The following RMDN2 variants were observed in gnomAD, a reference collection of about 807,000 sequenced individuals.
RMDN2 encodes regulator of microtubule dynamics 2.
Under a neutral mutation model 52.8 loss-of-function variants are expected in RMDN2, and 61 were observed. The ratio of observed to expected loss-of-function variants is 1.16; its 90% CI spans 0.94 to 1.43. The LOEUF (loss-of-function observed/expected upper bound fraction) is 1.43. RMDN2 is among the 40% of genes most tolerant of loss of function. RMDN2 has a pLI of 0.00. For missense variants in RMDN2, 592 were observed against 475.3 expected, an observed-to-expected ratio of 1.25 and a Z score of -2.28; for synonymous variants, 180 against 153.1, an observed-to-expected ratio of 1.18 and a Z score of -1.30.
At chr2:38,066,953 TA>T (rs758436467) in intron 10 of RMDN2, 2 of 1,613,372 alleles carry the variant, frequency 1.2e-6, no homozygotes, top group Non-Finnish European at 1.7e-6. Context: ...GTGCAATTTT[TA>T]CTTCTTTTCC....
At chr2:38,058,219 C>A (rs1264116538) in intron 10 of RMDN2, among the ~76,000 whole-genome samples, 2 of 152,156 alleles carry the variant, frequency 1.3e-5, no homozygotes, top group Non-Finnish European at 2.9e-5. Context: ...AAACCCAGGT[C>A]AGTGTGAGTC....
chr2:37,922,876 G>C (rs1273340788), upstream of RMDN2, among the ~76,000 whole-genome samples: 1 of 152,200 alleles, frequency 6.6e-6, no homozygotes, highest in African/African-American at 2.4e-5. Flanking sequence ...GATACAGCTT[G>C]TGGAGAGACG....
Position 37,958,341 on chromosome 2 carries a change from T to TAATTTGATTACACTGTGG in RMDN2, c.453-15699_453-15698insAATTTGATTACACTGTGG, listed in dbSNP as rs1558470700. ...TTCCTTGAGAAGTGGTTTGTAGTTC[T>TAATTTGATTACACTGTGG]TCTTGAAGAAGTCCTTCACATCCCC... On this transcript the variant is annotated intron_variant, in intron 2 of 10. Coordinates refer to ENST00000354545, the MANE Select transcript of RMDN2 (RefSeq NM_001170791.3). Among the ~76,000 whole-genome samples the TAATTTGATTACACTGTGG allele has an allele frequency of 5.1e-3, 775 of 151,664 alleles. 50 individuals carry two copies. Among genetic ancestry groups the TAATTTGATTACACTGTGG allele is most frequent in the African/African-American group, 0.018 (747 of 40,946 alleles).
At chr2:37,942,340 A>G (rs577107929) in intron 2 of RMDN2, among the ~76,000 whole-genome samples, 104 of 152,034 alleles carry the variant, frequency 6.8e-4, no homozygotes, top group African/African-American at 2.3e-3. Context: ...AGCTGTTTCT[A>G]TTCGACCATC....
At chr2:37,963,313 GTTTC>G (rs922093641) in intron 2 of RMDN2, 1 of 72,168 alleles carries the variant, frequency 1.4e-5, no homozygotes, top group Non-Finnish European at 2.8e-5. Flanking sequence ...ATACACGTGA[GTTTC>G]TTTTTTTTTT....
intron 4 of RMDN2, among the ~76,000 whole-genome samples, chr2:37,977,484 A>T (rs1672653326): frequency 2.7e-5 from 4 of 149,876 alleles, no homozygotes; most frequent in South Asian, 2.1e-4. Flanking sequence ...CACCTCCCGG[A>T]CGGGGCGGCT....
chr2:38,012,948 A>G (rs1024778773), intron 10 of RMDN2, among the ~76,000 whole-genome samples: 1 of 152,180 alleles, frequency 6.6e-6, no homozygotes, highest in African/African-American at 2.4e-5. Flanking sequence ...TCTGTCCCCT[A>G]TTAGGGAACT....
intron 7 of RMDN2, among the ~76,000 whole-genome samples, chr2:37,995,364 T>TAC (rs1553372363): frequency 8.3e-4 from 121 of 146,524 alleles, no homozygotes; most frequent in Non-Finnish European, 1.4e-3. Context: ...CTACTACTAC[T>TAC]ACACACACAC....
At chr2:38,023,792 A>G (rs1379614526) in intron 10 of RMDN2, among the ~76,000 whole-genome samples, 1 of 152,218 alleles carries the variant, frequency 6.6e-6, no homozygotes, top group Non-Finnish European at 1.5e-5. Flanking sequence ...TTGAGATACA[A>G]TTGACATACA....
chr2:38,062,779 C>CCCCCCCCCG (rs375545948), intron 10 of RMDN2, among the ~76,000 whole-genome samples: 1 of 136,494 alleles, frequency 7.3e-6, no homozygotes, highest in Non-Finnish European at 1.6e-5. Flanking sequence ...TCCCCCCCCC[C>CCCCCCCCCG]ACAACAGTCC....
intron 4 of RMDN2, among the ~76,000 whole-genome samples, chr2:37,978,960 G>A (rs1007650360): frequency 1.3e-5 from 2 of 152,180 alleles, no homozygotes; most frequent in African/African-American, 4.8e-5. Context: ...AATGGAATGG[G>A]AGTTTAACTG....
At chr2:38,013,260 G>A (rs1276485785) in intron 10 of RMDN2, among the ~76,000 whole-genome samples, 1 of 152,208 alleles carries the variant, frequency 6.6e-6, no homozygotes, top group African/African-American at 2.4e-5. Flanking sequence ...TCAACGTGGA[G>A]CCTACTGAGA....
intron 10 of RMDN2, chr2:38,033,261 T>G (rs918239475): frequency 6.6e-6 from 1 of 152,216 alleles, no homozygotes. Flanking sequence ...TACTTTCTCT[T>G]TCTTGCCTTA....
upstream of RMDN2, among the ~76,000 whole-genome samples, chr2:37,922,439 G>T (rs1417035135): frequency 7.0e-6 from 1 of 141,892 alleles, no homozygotes; most frequent in Non-Finnish European, 1.5e-5. Context: ...AAAAAAAATT[G>T]ACACTCCCAT....
chr2:37,963,274 T>C (rs1362551917), intron 2 of RMDN2: 2 of 152,138 alleles, frequency 1.3e-5, no homozygotes, highest in Admixed American at 6.6e-5. Flanking sequence ...CTTCTGTTAC[T>C]ATACCCTTGA....
At chr2:37,962,569 T>A (rs1189839608) in intron 2 of RMDN2, among the ~76,000 whole-genome samples, 1 of 152,190 alleles carries the variant, frequency 6.6e-6, no homozygotes, top group Non-Finnish European at 1.5e-5. Flanking sequence ...CCAGGTAGAC[T>A]TCAGACTGCT....
chr2:38,042,272 C>T (rs764135102), intron 10 of RMDN2, among the ~76,000 whole-genome samples: 1 of 151,980 alleles, frequency 6.6e-6, no homozygotes, highest in Non-Finnish European at 1.5e-5. Flanking sequence ...CCTTTAAATG[C>T]CTTGCGATCA....
intron 10 of RMDN2, chr2:38,033,025 A>G (rs943915562): frequency 6.6e-6 from 1 of 152,206 alleles, no homozygotes; most frequent in Admixed American, 6.5e-5. Context: ...TTGAAAATAC[A>G]TGAGAATTTC....
intron 10 of RMDN2, among the ~76,000 whole-genome samples, chr2:38,035,298 C>A (rs1039368441): frequency 9.2e-5 from 14 of 151,960 alleles, no homozygotes; most frequent in African/African-American, 3.1e-4. Context: ...TTGAAGGAAC[C>A]CCAAAAGTTT....
Sources: allele counts gnomAD v4.1 joint callset (sites outside exome capture counted in the v4.1 genomes callset), GRCh38; gene constraint gnomAD v4.1.1; transcripts MANE v1.5; gene names NCBI Gene and HGNC (gene_info 2026-07-23, HGNC 2026-07-21).